PLA2G6: variants seen among roughly 807,000 people sequenced by gnomAD.
PLA2G6 encodes the protein phospholipase A2 group VI.
A neutral mutation model predicts 83.8 loss-of-function variants in PLA2G6; 62 were observed. That is an observed-to-expected ratio of 0.74 (90% CI 0.60 to 0.91). The LOEUF (loss-of-function observed/expected upper bound fraction) is 0.91. Ranked by LOEUF, PLA2G6 falls within the 40% of genes least tolerant of loss-of-function variation. PLA2G6 has a pLI of 0.00. For synonymous variants in PLA2G6, 417 were observed against 449.8 expected, an observed-to-expected ratio of 0.93 and a Z score of 0.92; for missense variants, 944 against 1,102.0, an observed-to-expected ratio of 0.86 and a Z score of 2.03.
intron 2 of PLA2G6, among the ~76,000 whole-genome samples, chr22:38,162,273 C>G (rs900509660): frequency 2.0e-5 from 3 of 151,648 alleles, no homozygotes; most frequent in Admixed American, 1.3e-4. Flanking sequence ...GGTATGTTCC[C>G]CTAGCCATGG....
Position 38,129,434 on chromosome 22 carries a change from CCA to C in PLA2G6, c.1186+18_1186+19del, listed in dbSNP as rs750742993. 1.3e-6 allele frequency: 2 copies of C among 1,533,282 alleles called. No homozygotes were observed. Among genetic ancestry groups the C allele is most frequent in the East Asian group, 2.2e-5 (1 of 44,472 alleles). 95.0% of individuals were successfully genotyped at this position (1,533,282 alleles called of 1,614,324 possible). On this transcript the variant is annotated intron_variant, in intron 8 of 16. Transcript: ENST00000332509. ...ACCCAACCCTCACCCCACTCCAGCC[CCA>C]GAGTGCAGAGCACATACGTCTGCCG... is the stretch of plus-strand genomic sequence containing the variant.
Position 38,129,517 on chromosome 22 carries a change from C to T in PLA2G6, c.1123G>A (p.Glu375Lys). The T allele has an allele frequency of 6.2e-7, 1 of 1,614,178 alleles. No homozygotes were observed. The highest frequency in any genetic ancestry group is 1.3e-5 in the African/African-American group (1 of 75,058). The change falls in exon 8 of 17, where the codon GAA (glutamate) becomes AAA (lysine). Residue 375 changes from glutamate (E) to lysine (K), a missense_variant. Glu to Lys is a moderately conservative substitution (Grantham distance 56). Coordinates refer to ENST00000332509, the MANE Select transcript of PLA2G6 (RefSeq NM_003560.4). The stretch of plus-strand genomic sequence containing the variant: ...CCAAAGTCATTCGGGGTGTCCACTT[C>T]TGCTCCGAACACGATGAGGGCCTTG... ...MIKALIVFGA[E>K]VDTPNDFGET...
rs2145661050 is a variant in PLA2G6 at position 38,112,145 on chromosome 22, G to A, written c.*16C>T. On this transcript the variant is annotated 3_prime_UTR_variant, in exon 17 of 17. Coordinates refer to ENST00000332509, the MANE Select transcript of PLA2G6 (RefSeq NM_003560.4). ...ATGGACGAGGTCAGCTGGGGCCGGT[G>A]AGAGGCTGGGGACCCTCAGGGTGAG... The A allele has an allele frequency of 1.9e-6, 3 of 1,570,762 alleles. No homozygotes were observed. Among genetic ancestry groups the A allele is most frequent in the Non-Finnish European group, 2.6e-6 (3 of 1,158,504 alleles).
In PLA2G6 at chr22:38,112,006, C is replaced by G; in HGVS notation, c.*155G>C. 1.2e-6 allele frequency: 1 copy of G among 840,146 alleles called. No individual in the cohort carries two copies. Among genetic ancestry groups the G allele is most frequent in the Admixed American group, 2.1e-5 (1 of 46,676 alleles). The allele number at this position is 840,146 out of a possible 1,614,324, so 52.0% of individuals were successfully genotyped here. On this transcript the variant is annotated 3_prime_UTR_variant, in exon 17 of 17. Transcript: ENST00000332509. Reference sequence around the variant, plus strand: ...TTAGTGGGAGACAGGCCTTCAGGACCAGCCTCGGGCAGGCAGCTTGGCATT... The same window carrying G: ...TTAGTGGGAGACAGGCCTTCAGGACGAGCCTCGGGCAGGCAGCTTGGCATT...
Position 38,128,157 on chromosome 22 carries a change from G to A in PLA2G6, c.1348+112C>T, listed in dbSNP as rs942662798. 2.3e-5 allele frequency: 27 copies of A among 1,179,084 alleles called. No individual in the cohort carries two copies. Among genetic ancestry groups the A allele is most frequent in the East Asian group, 9.4e-5 (4 of 42,630 alleles). The allele number at this position is 1,179,084 out of a possible 1,614,324, so 73.0% of individuals were successfully genotyped here. On this transcript the variant is annotated intron_variant, in intron 9 of 16. Transcript: ENST00000332509. The surrounding 1 kb of genome is among the most constrained non-coding windows in gnomAD (Gnocchi z 4.4). ...TGACAACTCCGGCCCCATCCTCCCC[G>A]GCTTCCTTTAGTGACTTCCGTCCTA...
chr22:38,176,590 A>G (rs1322109280), intron 1 of PLA2G6, among the ~76,000 whole-genome samples: 1 of 152,192 alleles, frequency 6.6e-6, no homozygotes, highest in African/African-American at 2.4e-5. Context: ...CAGAGTGCCA[A>G]GCTGCCCCAA....
At chr22:38,154,956 A>G (rs2089716447) in intron 2 of PLA2G6, among the ~76,000 whole-genome samples, 1 of 152,250 alleles carries the variant, frequency 6.6e-6, no homozygotes, top group South Asian at 2.1e-4. Flanking sequence ...GGCTGGGCAC[A>G]GTGGCTCACG....
chr22:38,149,154 T>G (rs541580898), intron 2 of PLA2G6: 2 of 152,472 alleles, frequency 1.3e-5, no homozygotes, highest in East Asian at 3.9e-4. Context: ...CATGAGCCAC[T>G]GCGCCCGGCC....
At chr22:38,139,141 C>T (rs943038199) in intron 5 of PLA2G6, 2 of 152,204 alleles carry the variant, frequency 1.3e-5, no homozygotes, top group African/African-American at 4.8e-5. Flanking sequence ...GGTGGACGGG[C>T]ACTCGGCCAC....
intron 10 of PLA2G6, 96 bp downstream of exon 10, chr22:38,126,275 T>C (rs1602109819): frequency 1.1e-6 from 1 of 898,676 alleles, no homozygotes; most frequent in Admixed American, 1.7e-5. Context: ...GCTGTGAGGG[T>C]GCAGAGAGTA....
rs768400526 is a variant in PLA2G6, at chr22:38,128,514, T to TC, written c.1187-85dup. 258 of 1,449,242 alleles carry TC rather than the reference T, an allele frequency of 1.8e-4. No individual in the cohort carries two copies. Among genetic ancestry groups the TC allele is most frequent in the Non-Finnish European group, 2.4e-4 (254 of 1,049,680 alleles). 89.8% of individuals were successfully genotyped at this position (1,449,242 alleles called of 1,614,324 possible). A position where few individuals can be genotyped will look rare whatever the true frequency, so the allele number is the denominator to read the frequency against. Reference sequence around the variant, plus strand: ...AAGGAGAGGCCCCTCCTTTCCACACTCCGTCCCCTGTCCCAGCTCCCAGGC... The same window carrying TC: ...AAGGAGAGGCCCCTCCTTTCCACACTCCCGTCCCCTGTCCCAGCTCCCAGGC... On this transcript the variant is annotated intron_variant, in intron 8 of 16. Transcript: ENST00000332509. The surrounding 1 kb of genome is among the most constrained non-coding windows in gnomAD (Gnocchi z 4.4).
chr22:38,162,089 T>C (rs1326056564), intron 2 of PLA2G6, among the ~76,000 whole-genome samples: 2 of 151,526 alleles, frequency 1.3e-5, no homozygotes, highest in Admixed American at 1.3e-4. Context: ...GTGCCTATAA[T>C]ACCAGCTACT....
chr22:38,126,505 C>T, intron 9 of PLA2G6, 56 bp from the exon 10 acceptor site: 2 of 1,308,666 alleles, frequency 1.5e-6, no homozygotes, highest in African/African-American at 1.4e-5. Context: ...AGCCCTGCTA[C>T]CCCAGAGGTC....
chr22:38,175,053 C>T (rs530379042), intron 1 of PLA2G6, among the ~76,000 whole-genome samples: 15 of 152,294 alleles, frequency 9.8e-5, no homozygotes, highest in Non-Finnish European at 1.0e-4. Context: ...GTCTCAGGCA[C>T]GGGAGGAGCG....
At chr22:38,126,228 T>G in intron 10 of PLA2G6, 143 bp downstream of exon 10, 1 of 728,536 alleles carries the variant, frequency 1.4e-6, no homozygotes, top group Non-Finnish European at 2.5e-6. Context: ...CTGTCTCTGC[T>G]GAGAACTATA....
intron 9 of PLA2G6, chr22:38,126,805 A>G (rs1338000129): frequency 1.4e-5 from 5 of 356,374 alleles, no homozygotes; most frequent in Non-Finnish European, 2.7e-5. Flanking sequence ...CTTGCATCGG[A>G]GCCGATGCTG....
rs1015587489 is a variant in PLA2G6 at position 38,128,350 on chromosome 22, CG to C, written c.1266del (p.Ala423ArgfsTer24). On this transcript the variant is annotated frameshift_variant, in exon 9 of 17. Coordinates refer to ENST00000332509, the MANE Select transcript of PLA2G6 (RefSeq NM_003560.4). LOFTEE classifies it high-confidence loss of function. The surrounding 1 kb of genome is among the most constrained non-coding windows in gnomAD (Gnocchi z 4.4). ...EYCFPPIHGV[P>X]AEQGSAAPHH... ...TGTGGCGCTGCAGAGCCCTGCTCCG[CG>C]GGGACCCCGTGGATGGGTGGGAAGC... 1.2e-6 allele frequency: 2 copies of C among 1,613,708 alleles called. No homozygotes were observed. The highest frequency in any genetic ancestry group is 2.7e-5 in the African/African-American group (2 of 75,002).
intron 5 of PLA2G6, chr22:38,137,849 A>G (rs1366097414): frequency 6.6e-6 from 1 of 152,326 alleles, no homozygotes; most frequent in African/African-American, 2.4e-5. Flanking sequence ...CAAAACAAAG[A>G]AAAGAAAAGA....
chr22:38,127,721 A>G (rs540441915), intron 9 of PLA2G6, among the ~76,000 whole-genome samples: 99 of 152,280 alleles, frequency 6.5e-4, no homozygotes, highest in African/African-American at 2.1e-3. Flanking sequence ...AAGTCCAGAG[A>G]AGGGTCCTGT....
Sources: allele counts gnomAD v4.1 joint callset (sites outside exome capture counted in the v4.1 genomes callset), GRCh38; gene constraint gnomAD v4.1.1; non-coding constraint Gnocchi (gnomAD v3.1); transcripts MANE v1.5; gene names NCBI Gene and HGNC (gene_info 2026-07-23, HGNC 2026-07-21).